Variants in P4HA3 observed in about 807,000 individuals in gnomAD.
The protein encoded by P4HA3 is prolyl 4-hydroxylase subunit alpha 3.
In P4HA3, 60 loss-of-function variants were observed where a neutral mutation model predicts 66.7. The ratio of observed to expected loss-of-function variants is 0.90; its 90% CI spans 0.73 to 1.12. The LOEUF is 1.12. P4HA3 is among the 50% of genes most tolerant of loss of function. The pLI, the probability that P4HA3 is intolerant of heterozygous loss-of-function variation, is 0.00. For missense variants in P4HA3, 683 were observed against 685.8 expected (o/e 1.00, Z 0.05); for synonymous variants, 263 against 274.6 (o/e 0.96, Z 0.42).
chr11:74,278,352 C>T (rs182254360), intron 8 of P4HA3, among the ~76,000 whole-genome samples: 154 of 152,168 alleles, frequency 1.0e-3, no homozygotes, highest in African/African-American at 3.4e-3. Context: ...CAGGGCATGA[C>T]ATAGAAAACT....
intron 9 of P4HA3, among the ~76,000 whole-genome samples, chr11:74,275,938 A>G (rs1354841636): frequency 6.6e-6 from 1 of 152,258 alleles, no homozygotes; most frequent in Non-Finnish European, 1.5e-5. Context: ...AAAGAAAATA[A>G]GGTATATATA....
intron 15 of P4HA3, chr11:74,256,102 T>G (rs1462414082): frequency 2.9e-6 from 1 of 345,752 alleles, no homozygotes; most frequent in East Asian, 7.7e-5. Flanking sequence ...GGTGCTGTTA[T>G]GTTCCTTTTA....
At chr11:74,278,720 C>T (rs1860484233) in intron 8 of P4HA3, among the ~76,000 whole-genome samples, 1 of 152,050 alleles carries the variant, frequency 6.6e-6, no homozygotes, top group Non-Finnish European at 1.5e-5. Flanking sequence ...TATGAAAGGC[C>T]CTTAATGTAC....
At chr11:74,279,253 G>T in intron 8 of P4HA3, 135 bp downstream of exon 8, 1 of 798,708 alleles carries the variant, frequency 1.3e-6, no homozygotes, top group South Asian at 1.5e-5. Flanking sequence ...CTCTTAAAAA[G>T]AATGTACAGC....
intron 4 of P4HA3, 125 bp from the exon 5 acceptor site, chr11:74,289,255 A>C (rs1001391007): frequency 1.2e-6 from 1 of 809,652 alleles, no homozygotes; most frequent in African/African-American, 1.8e-5. Flanking sequence ...AATAAGGCTC[A>C]CTGAAAGGAA....
chr11:74,304,224 G>C (rs758770164), intron 2 of P4HA3, 46 bp downstream of exon 2: 1 of 1,603,018 alleles, frequency 6.2e-7, no homozygotes, highest in Non-Finnish European at 8.5e-7. Flanking sequence ...CACCGAGTCA[G>C]GAGATAGAAT....
intron 10 of P4HA3, among the ~76,000 whole-genome samples, chr11:74,273,177 G>T (rs747402354): frequency 6.6e-6 from 1 of 152,132 alleles, no homozygotes; most frequent in Non-Finnish European, 1.5e-5. Flanking sequence ...TCTATGGGTT[G>T]TTTTTCAACA....
At chr11:74,255,068 C>T (rs1023129031) in intron 15 of P4HA3, among the ~76,000 whole-genome samples, 6 of 152,198 alleles carry the variant, frequency 3.9e-5, no homozygotes, top group Non-Finnish European at 8.8e-5. Context: ...CCAGGTTCCT[C>T]CTCCTGTCTC....
chr11:74,289,023 A>ATCCCTTC, intron 5 of P4HA3, 56 bp downstream of exon 5: 1 of 1,307,412 alleles, frequency 7.6e-7, no homozygotes, highest in Non-Finnish European at 1.0e-6. Context: ...CAGGAGCAGA[A>ATCCCTTC]GGGAGTTCCC....
At chr11:74,268,424 ACTGACAGAGTCCCC>A (rs1860072802) in intron 11 of P4HA3, among the ~76,000 whole-genome samples, 183 bp from the exon 12 acceptor site, 1 of 152,240 alleles carries the variant, frequency 6.6e-6, no homozygotes, top group Non-Finnish European at 1.5e-5. Context: ...TGCATGGGTC[ACTGACAGAGTCCCC>A]TGCACCCCAG....
At chr11:74,301,130 GT>G (rs1018580621) in intron 3 of P4HA3, among the ~76,000 whole-genome samples, 4 of 150,712 alleles carry the variant, frequency 2.7e-5, no homozygotes, top group East Asian at 1.9e-4. Context: ...TATGTAACAT[GT>G]TTTTTTTTCT....
chr11:74,286,132 T>C (rs1860790742), intron 6 of P4HA3, 96 bp downstream of exon 6: 1 of 1,498,790 alleles, frequency 6.7e-7, no homozygotes, highest in Non-Finnish European at 9.1e-7. Flanking sequence ...TTATTGTTTT[T>C]AATGCATCAG....
intron 15 of P4HA3, chr11:74,251,090 T>G: frequency 1.3e-6 from 2 of 1,542,882 alleles, no homozygotes; most frequent in Non-Finnish European, 1.8e-6. Context: ...AAGACAAGTC[T>G]CTGAGTCTCA....
At chr11:74,285,414 T>C (rs1294253776) in intron 7 of P4HA3, 11 of 154,282 alleles carry the variant, frequency 7.1e-5, no homozygotes, top group Admixed American at 1.3e-4. Context: ...ACCAATTACA[T>C]AGAATGGTTG....
chr11:74,278,407 C>A (rs964805824), intron 8 of P4HA3, among the ~76,000 whole-genome samples: 2 of 152,116 alleles, frequency 1.3e-5, no homozygotes, highest in Admixed American at 6.6e-5. Flanking sequence ...ATAATGGGTA[C>A]TCAGTGAAGG....
In P4HA3 at chr11:74,285,506, C is replaced by A. The variant is rs556598644; in HGVS notation, c.1110+303G>T. 16 of 261,570 alleles carry A rather than the reference C, an allele frequency of 6.1e-5. No individual in the cohort carries two copies. In the South Asian group the frequency reaches 1.3e-3, roughly 21 times the overall value. 16.2% of individuals were successfully genotyped at this position (261,570 alleles called of 1,614,324 possible). ...TGATATACACAGGTCTCAAGTGGAC[C>A]ATTTGGTGAGTTTTGACAAATGCAT... On this transcript the variant is annotated intron_variant, in intron 7 of 12. Transcript: ENST00000331597.
intron 1 of P4HA3, among the ~76,000 whole-genome samples, chr11:74,307,573 A>C (rs1861614078): frequency 6.6e-6 from 1 of 152,220 alleles, no homozygotes; most frequent in Admixed American, 6.5e-5. Flanking sequence ...TTGGCTTAGA[A>C]TCCAAAAGTT....
chr11:74,284,791 GCTC>G (rs1321414619), intron 7 of P4HA3, among the ~76,000 whole-genome samples: 1 of 152,058 alleles, frequency 6.6e-6, no homozygotes, highest in Non-Finnish European at 1.5e-5. Context: ...CATGGTAGTG[GCTC>G]CCCCATGGAA....
At chr11:74,305,210 G>A (rs1267794614) in intron 1 of P4HA3, among the ~76,000 whole-genome samples, 1 of 152,118 alleles carries the variant, frequency 6.6e-6, no homozygotes, top group Non-Finnish European at 1.5e-5. Context: ...AGGCAGGGCA[G>A]CTCATCCAGG....
Sources: allele counts gnomAD v4.1 joint callset (sites outside exome capture counted in the v4.1 genomes callset), GRCh38; gene constraint gnomAD v4.1.1; transcripts MANE v1.5; gene names NCBI Gene and HGNC (gene_info 2026-07-23, HGNC 2026-07-21).